The following ZDHHC3 variants were observed in gnomAD, a reference collection of about 807,000 sequenced individuals.
ZDHHC3 encodes palmitoyltransferase ZDHHC3.
ZDHHC3 carries 9 observed loss-of-function variants against 30.6 expected under a neutral mutation model. The observed-to-expected ratio is 0.29, with a 90% CI of 0.18 to 0.51. ZDHHC3 has a LOEUF of 0.51. ZDHHC3 is among the 20% of genes least tolerant of loss of function. ZDHHC3 has a pLI of 0.97. For missense variants in ZDHHC3, 246 were observed against 384.2 expected, an observed-to-expected ratio of 0.64 and a Z score of 3.01; for synonymous variants, 136 against 140.2, an observed-to-expected ratio of 0.97 and a Z score of 0.21.
In ZDHHC3 at chr3:44,945,160, G is replaced by C. The variant is rs778926646; in HGVS notation, c.431+8C>G. 37 of 1,613,812 alleles carry C rather than the reference G, an allele frequency of 2.3e-5. No homozygotes were observed. The Admixed American group carries it at 6.2e-4, about 27-fold the overall frequency. On this transcript the variant is annotated splice_region_variant and intron_variant, in intron 3 of 6. Transcript: ENST00000424952. ...GAGAAGAGAGGAGGCGAGCCCCAGT[G>C]AGTGTACCTGCAGTGGTGGGCTCGG...
rs1238268567 is a variant in ZDHHC3, at chr3:44,925,010, G to A, written c.*1679C>T. The A allele has an allele frequency of 1.0e-6, 1 of 985,480 alleles. No individual in the cohort carries two copies. Among genetic ancestry groups the A allele is most frequent in the African/African-American group, 1.7e-5 (1 of 57,228 alleles). The allele number at this position is 985,480 out of a possible 1,614,324, so 61.0% of individuals were successfully genotyped here. A position where few individuals can be genotyped will look rare whatever the true frequency, so the allele number is the denominator to read the frequency against. On this transcript the variant is annotated 3_prime_UTR_variant, in exon 7 of 7. Coordinates refer to ENST00000424952, the MANE Select transcript of ZDHHC3 (RefSeq NM_001135179.2). ...GGCCTGGTGGGGCAAGCTGGTTCAA[G>A]AGAGGGACCATAAATGCATTTTAAA...
Position 44,922,387 on chromosome 3 carries a change from A to C in ZDHHC3, c.*4302T>G, listed in dbSNP as rs747415750. 8.0e-4 allele frequency: 788 copies of C among 985,396 alleles called. No homozygotes were observed. The highest frequency in any genetic ancestry group is 9.0e-4 in the Non-Finnish European group (748 of 829,914). 61.0% of individuals were successfully genotyped at this position (985,396 alleles called of 1,614,324 possible). On this transcript the variant is annotated 3_prime_UTR_variant, in exon 7 of 7. Coordinates refer to ENST00000424952, the MANE Select transcript of ZDHHC3 (RefSeq NM_001135179.2). Reference sequence around the variant, plus strand: ...TCTTCACCCAAAGGGCCCTTGGTCTAGAGATGGGTTCCACTGATGAGATGC... The same window carrying C: ...TCTTCACCCAAAGGGCCCTTGGTCTCGAGATGGGTTCCACTGATGAGATGC...
intron 2 of ZDHHC3, chr3:44,958,803 G>A: frequency 2.2e-6 from 2 of 903,840 alleles, no homozygotes; most frequent in East Asian, 2.6e-5. Context: ...TCTGGCCCCA[G>A]TCTTCAAGGT....
intron 6 of ZDHHC3, among the ~76,000 whole-genome samples, chr3:44,928,738 G>C (rs1248389508): frequency 1.3e-5 from 2 of 152,218 alleles, no homozygotes; most frequent in Admixed American, 6.5e-5. Context: ...GGGTAGATGG[G>C]AGGTGATGGT....
chr3:44,956,509 A>G (rs1703969069), intron 2 of ZDHHC3, among the ~76,000 whole-genome samples: 1 of 152,176 alleles, frequency 6.6e-6, no homozygotes, highest in Non-Finnish European at 1.5e-5. Context: ...CCTGAGAGGT[A>G]AATGTGAGGG....
Position 44,949,702 on chromosome 3 carries a change from G to A in ZDHHC3, c.307-4410C>T, listed in dbSNP as rs553573136. On this transcript the variant is annotated intron_variant, in intron 2 of 6. Transcript: ENST00000424952. ...ACCAGTGAGGCACTGTGAAGGGCCA[G>A]GGTCTGGAAGGTTTCATGAAGGTGA... Among the ~76,000 whole-genome samples the A allele has an allele frequency of 4.6e-5, 7 of 152,354 alleles. No homozygotes were observed. In the South Asian group the frequency reaches 1.4e-3, roughly 32 times the overall value.
intron 5 of ZDHHC3, among the ~76,000 whole-genome samples, chr3:44,932,666 CAA>C (rs1353343592): frequency 6.6e-6 from 1 of 152,162 alleles, no homozygotes; most frequent in Non-Finnish European, 1.5e-5. Context: ...AACACCATCA[CAA>C]AAACCAAAGA....
chr3:44,945,041 T>C, intron 3 of ZDHHC3, 127 bp downstream of exon 3: 3 of 1,381,472 alleles, frequency 2.2e-6, no homozygotes, highest in Non-Finnish European at 3.0e-6. Context: ...CAGGGGACAT[T>C]TGGAATCCCG....
In ZDHHC3 at chr3:44,922,360, C is replaced by T. The variant is rs1295847120; in HGVS notation, c.*4329G>A. 2.0e-6 allele frequency: 2 copies of T among 985,314 alleles called. No homozygotes were observed. Among genetic ancestry groups the T allele is most frequent in the African/African-American group, 3.5e-5 (2 of 57,242 alleles). 61.0% of individuals were successfully genotyped at this position (985,314 alleles called of 1,614,324 possible). A position where few individuals can be genotyped will look rare whatever the true frequency, so the allele number is the denominator to read the frequency against. ...TCTTTTCTCTTTCCCTTCCGGGCTG[C>T]TTCTTCACCCAAAGGGCCCTTGGTC... On this transcript the variant is annotated 3_prime_UTR_variant, in exon 7 of 7. Coordinates refer to ENST00000424952, the MANE Select transcript of ZDHHC3 (RefSeq NM_001135179.2).
intron 3 of ZDHHC3, among the ~76,000 whole-genome samples, chr3:44,934,474 C>T (rs1200542236): frequency 1.4e-5 from 2 of 142,686 alleles, no homozygotes; most frequent in Non-Finnish European, 3.0e-5. Context: ...CATGGAAGGA[C>T]AAAGGACAGA....
chr3:44,935,020 G>A (rs1701830780), intron 3 of ZDHHC3, among the ~76,000 whole-genome samples: 1 of 151,916 alleles, frequency 6.6e-6, no homozygotes, highest in Non-Finnish European at 1.5e-5. Flanking sequence ...TTATTTGATA[G>A]CAAGCACAAA....
Position 44,922,215 on chromosome 3 carries a change from C to A in ZDHHC3, c.*4474G>T, listed in dbSNP as rs1262373007. 1 of 985,334 alleles carries A rather than the reference C, an allele frequency of 1.0e-6. No individual in the cohort carries two copies. The highest frequency in any genetic ancestry group is 1.2e-6 in the Non-Finnish European group (1 of 829,948). The allele number at this position is 985,334 out of a possible 1,614,324, so 61.0% of individuals were successfully genotyped here. The stretch of plus-strand genomic sequence containing the variant: ...AGAAAAAGCCACATGGGTGTTGAAA[C>A]CCACACGTAGAAAGCAAAGGTCAAG... On this transcript the variant is annotated 3_prime_UTR_variant, in exon 7 of 7. Transcript: ENST00000424952.
Position 44,929,431 on chromosome 3 carries a change from T to C in ZDHHC3, c.616A>G (p.Ser206Gly), listed in dbSNP as rs1701295697. The change falls in exon 6 of 7, where the codon AGC becomes GGC. Residue 206 changes from serine to glycine, a missense_variant. Transcript: ENST00000424952. ...HCFEEDWTKCSSFSPPTTVIL... is the reference protein window; with the variant it reads ...HCFEEDWTKCGSFSPPTTVIL... Reference sequence around the variant, plus strand: ...ACTGTGGTGGGTGGAGAGAAGGAGCTGCACTCTGAAAGAGAAGCAGCACAC... The same window carrying C: ...ACTGTGGTGGGTGGAGAGAAGGAGCCGCACTCTGAAAGAGAAGCAGCACAC... 3.7e-6 allele frequency: 6 copies of C among 1,613,818 alleles called. No homozygotes were observed. The highest frequency in any genetic ancestry group is 5.1e-6 in the Non-Finnish European group (6 of 1,179,920).
rs1484143068 is a variant in ZDHHC3, at chr3:44,917,871, T to C, written c.*8818A>G. ...GAAGGTTGACAGCACTTTTTAGTGT[T>C]TGCTTCTCTCCCCACAGCAGCATCT... On this transcript the variant is annotated 3_prime_UTR_variant, in exon 7 of 7. Transcript: ENST00000424952. The C allele has an allele frequency of 1.3e-5, 17 of 1,295,084 alleles. No homozygotes were observed. Among genetic ancestry groups the C allele is most frequent in the Non-Finnish European group, 1.6e-5 (16 of 987,544 alleles). 80.2% of individuals were successfully genotyped at this position (1,295,084 alleles called of 1,614,324 possible). A position where few individuals can be genotyped will look rare whatever the true frequency, so the allele number is the denominator to read the frequency against.
rs1453968366 is a variant in ZDHHC3, at chr3:44,958,513, T to C, written c.306+618A>G. 4.6e-6 allele frequency: 6 copies of C among 1,296,160 alleles called. No homozygotes were observed. In the Admixed American group the frequency reaches 1.2e-4, roughly 26 times the overall value. The allele number at this position is 1,296,160 out of a possible 1,614,324, so 80.3% of individuals were successfully genotyped here. ...AATACCAGGGTGCACAAACATTCAA[T>C]AGCCACGTGCGCAGCTTGGCATATT... is the stretch of plus-strand genomic sequence containing the variant. On this transcript the variant is annotated intron_variant, in intron 2 of 6. Coordinates refer to ENST00000424952, the MANE Select transcript of ZDHHC3 (RefSeq NM_001135179.2).
intron 2 of ZDHHC3, among the ~76,000 whole-genome samples, chr3:44,950,640 G>C (rs536140283): frequency 3.9e-5 from 6 of 152,318 alleles, no homozygotes; most frequent in Admixed American, 3.9e-4. Context: ...GAGCAGCTGG[G>C]CCAGCCCCCA....
chr3:44,961,735 T>G (rs1704498088), intron 1 of ZDHHC3, among the ~76,000 whole-genome samples: 1 of 152,254 alleles, frequency 6.6e-6, no homozygotes, highest in African/African-American at 2.4e-5. Context: ...AACCTCCAGT[T>G]GCAAGCATTC....
rs750439865 is a variant in ZDHHC3, at chr3:44,945,296, T to C, written c.307-4A>G. On this transcript the variant is annotated splice_polypyrimidine_tract_variant and splice_region_variant and intron_variant, in intron 2 of 6. Transcript: ENST00000424952. ...CATTTCCTTTGGGCACTGCCCCCTG[T>C]AGGAAAGATGAAAGGTATCAGGGTT... is the stretch of plus-strand genomic sequence containing the variant. The C allele has an allele frequency of 6.2e-7, 1 of 1,614,168 alleles. No homozygotes were observed. The highest frequency in any genetic ancestry group is 8.5e-7 in the Non-Finnish European group (1 of 1,180,028).
rs376522016 is a variant in ZDHHC3 at position 44,917,986 on chromosome 3, C to T, written c.*8703G>A. The T allele has an allele frequency of 3.4e-3, 4,434 of 1,305,432 alleles. 14 individuals are homozygous for T. Among genetic ancestry groups the T allele is most frequent in the Non-Finnish European group, 4.3e-3 (4,210 of 988,974 alleles). 80.9% of individuals were successfully genotyped at this position (1,305,432 alleles called of 1,614,324 possible). On this transcript the variant is annotated 3_prime_UTR_variant, in exon 7 of 7. Coordinates refer to ENST00000424952, the MANE Select transcript of ZDHHC3 (RefSeq NM_001135179.2). ...GGTGTCTGACAGCGATGTCACCTGC[C>T]GCACCATGTCTTTGTCACTGGGGAT...
Sources: gnomAD v4.1 joint callset for allele counts (sites outside exome capture counted in the v4.1 genomes callset) on GRCh38, gnomAD v4.1.1 for gene constraint, MANE v1.5 for transcripts, NCBI Gene and HGNC (gene_info 2026-07-23, HGNC 2026-07-21) for gene names.